The following TMUB2 variants were observed in gnomAD, a reference collection of about 807,000 sequenced individuals.
TMUB2 encodes transmembrane and ubiquitin like domain containing 2.
In TMUB2, 19 loss-of-function variants were observed where a neutral mutation model predicts 20.2. The observed-to-expected ratio is 0.94, with a 90% CI of 0.66 to 1.38. The LOEUF (loss-of-function observed/expected upper bound fraction) is 1.38. Among genes scored for constraint, TMUB2 ranks in the 40% most tolerant of loss-of-function variants. The probability of loss-of-function intolerance (pLI) is 0.00; values close to 1 mark genes in which losing one functional copy is unlikely to be tolerated. For missense variants in TMUB2, 426 were observed against 402.5 expected, an observed-to-expected ratio of 1.06 and a Z score of -0.50; for synonymous variants, 186 against 166.0, an observed-to-expected ratio of 1.12 and a Z score of -0.92.
Position 44,189,182 on chromosome 17 carries a change from C to T in TMUB2, c.196C>T (p.Leu66Phe). The change falls in exon 3 of 4, where the codon CTC becomes TTC. Residue 66 changes from leucine (L) to phenylalanine (F), a missense_variant. Transcript: ENST00000538716. Reference protein sequence around the residue: ...TYVADSGSNQLLGAIVSAGDT... With the variant: ...TYVADSGSNQFLGAIVSAGDT... ...CGTAGCAGACAGCGGTAGCAACCAG[C>T]TCCTGGGCGCTATTGTGTCAGCAGG... is the stretch of plus-strand genomic sequence containing the variant. 6.2e-7 allele frequency: 1 copy of T among 1,614,160 alleles called. No individual in the cohort carries two copies. Among genetic ancestry groups the T allele is most frequent in the Non-Finnish European group, 8.5e-7 (1 of 1,180,028 alleles).
rs2144330260 is a variant in TMUB2 at position 44,189,726 on chromosome 17, T to C, written c.602+138T>C. 3 of 795,066 alleles carry C rather than the reference T, an allele frequency of 3.8e-6. No individual in the cohort carries two copies. The East Asian group carries it at 8.6e-5, about 23-fold the overall frequency. 49.3% of individuals were successfully genotyped at this position (795,066 alleles called of 1,614,324 possible). ...TACCAAGGGCAGGTAGATACTTTCT[T>C]AGAAATACACCCTTCAGGCCGGGTG... On this transcript the variant is annotated intron_variant, in intron 3 of 3. Transcript: ENST00000538716.
At chr17:44,187,883 T>A (rs1286859251) in intron 2 of TMUB2, 140 bp downstream of exon 2, 1 of 678,654 alleles carries the variant, frequency 1.5e-6, no homozygotes, top group Non-Finnish European at 2.8e-6. Flanking sequence ...GTATATTAAA[T>A]AAGGATGTTG....
At chr17:44,187,875 A>G (rs2054700674) in intron 2 of TMUB2, 132 bp downstream of exon 2, 2 of 683,830 alleles carry the variant, frequency 2.9e-6, no homozygotes, top group Non-Finnish European at 5.5e-6. Context: ...CAGGGCCGGT[A>G]TATTAAATAA....
intron 2 of TMUB2, 78 bp from the exon 3 acceptor site, chr17:44,188,938 TGGGTCA>T: frequency 1.4e-6 from 2 of 1,453,948 alleles, no homozygotes; most frequent in Non-Finnish European, 1.8e-6. Context: ...TTTTCAGGGC[TGGGTCA>T]GTTAGAACCT....
At position 44,189,176 on chromosome 17, in the gene TMUB2, A is replaced by C; in HGVS notation, c.190A>C (p.Asn64His). 1 of 1,614,158 alleles carries C rather than the reference A, an allele frequency of 6.2e-7. No homozygotes were observed. The highest frequency in any genetic ancestry group is 2.2e-5 in the East Asian group (1 of 44,886). The change falls in exon 3 of 4, where the codon AAC becomes CAC. Residue 64 changes from asparagine to histidine, a missense_variant. Physicochemically the swap from Asn to His is moderately conservative, Grantham distance 68. Coordinates refer to ENST00000538716, the MANE Select transcript of TMUB2 (RefSeq NM_001076674.3). Reference sequence around the variant, plus strand: ...TACCTACGTAGCAGACAGCGGTAGCAACCAGCTCCTGGGCGCTATTGTGTC... The same window carrying C: ...TACCTACGTAGCAGACAGCGGTAGCCACCAGCTCCTGGGCGCTATTGTGTC... ...LSTYVADSGS[N>H]QLLGAIVSAG...
chr17:44,189,636 C>G (rs939958073), intron 3 of TMUB2, 48 bp downstream of exon 3: 1 of 1,504,514 alleles, frequency 6.6e-7, no homozygotes, highest in Non-Finnish European at 8.8e-7. Flanking sequence ...TCCCCCAGCC[C>G]TTGGTTGCCT....
rs765699369 is a variant in TMUB2, at chr17:44,191,060, G to C, written c.*196G>C. The C allele has an allele frequency of 7.2e-5, 100 of 1,386,056 alleles. No individual in the cohort carries two copies. The highest frequency in any genetic ancestry group is 8.8e-5 in the Non-Finnish European group (94 of 1,073,212). The allele number at this position is 1,386,056 out of a possible 1,614,324, so 85.9% of individuals were successfully genotyped here. A position where few individuals can be genotyped will look rare whatever the true frequency, so the allele number is the denominator to read the frequency against. On this transcript the variant is annotated 3_prime_UTR_variant, in exon 4 of 4. Transcript: ENST00000538716. ...GAGTACAGATGTCCCTCCCGTGCGA[G>C]CACAACTCAGGTAGAAATGAGGATG...
intron 2 of TMUB2, 128 bp from the exon 3 acceptor site, chr17:44,188,894 C>G: frequency 7.1e-7 from 1 of 1,407,420 alleles, no homozygotes; most frequent in Non-Finnish European, 9.2e-7. Context: ...GGTTTGTGCC[C>G]CCTTCTACAC....
In TMUB2 at chr17:44,189,553, G is replaced by A; in HGVS notation, c.567G>A (p.Val189=). ...TCAATGATACCGAGGAGCTGGCTGT[G>A]GCTAGGCCAGAGGATACCGTGGGTG... The part of the protein sequence containing the change: ...KFLNDTEELA[V]ARPEDTVGAL... The change falls in exon 3 of 4, where the codon GTG becomes GTA. Residue 189 remains valine, a synonymous_variant. Transcript: ENST00000538716. The A allele has an allele frequency of 6.2e-7, 1 of 1,610,780 alleles. No homozygotes were observed. The highest frequency in any genetic ancestry group is 1.1e-5 in the South Asian group (1 of 90,682).
At position 44,191,326 on chromosome 17, in the gene TMUB2, T is replaced by G; in HGVS notation, c.*462T>G. 1 of 990,198 alleles carries G rather than the reference T, an allele frequency of 1.0e-6. No homozygotes were observed. The highest frequency in any genetic ancestry group is 1.2e-6 in the Non-Finnish European group (1 of 832,614). The allele number at this position is 990,198 out of a possible 1,614,324, so 61.3% of individuals were successfully genotyped here. ...CAGCCAAATACTCATCTTTTGAGAC[T>G]GAAATCACACTGGCGGGAATGAAGA... On this transcript the variant is annotated 3_prime_UTR_variant, in exon 4 of 4. Coordinates refer to ENST00000538716, the MANE Select transcript of TMUB2 (RefSeq NM_001076674.3).
chr17:44,188,972 G>T, intron 2 of TMUB2, 50 bp from the exon 3 acceptor site: 1 of 1,537,464 alleles, frequency 6.5e-7, no homozygotes. Flanking sequence ...CTAGAGACCT[G>T]GTTGCAACCC....
intron 3 of TMUB2, chr17:44,190,220 G>A (rs1298311075): frequency 7.1e-6 from 2 of 283,426 alleles, no homozygotes; most frequent in East Asian, 6.5e-5. Context: ...GCATGGTGGC[G>A]CACTCCTGTA....
rs757430 is a variant in TMUB2, at chr17:44,190,906, C to T, written c.*42C>T. ...TGAAAGGCATGGTCTTTCTCCTTTA[C>T]GGCCTCCCCACTTTTCCTGGCCAGA... On this transcript the variant is annotated 3_prime_UTR_variant, in exon 4 of 4. Transcript: ENST00000538716. The T allele has an allele frequency of 0.87, 1,356,293 of 1,554,702 alleles. 592,797 individuals carry two copies. The highest frequency in any genetic ancestry group is 0.99 in the East Asian group (43,916 of 44,510).
intron 1 of TMUB2, 136 bp from the exon 2 acceptor site, chr17:44,187,540 A>G (rs565176321): frequency 3.3e-5 from 21 of 631,894 alleles, no homozygotes; most frequent in Non-Finnish European, 5.2e-5. Flanking sequence ...TGTCTGTGCC[A>G]ATCGTTTTCG....
At chr17:44,189,667 A>G in intron 3 of TMUB2, 79 bp downstream of exon 3, 20 of 1,342,920 alleles carry the variant, frequency 1.5e-5, no homozygotes, top group Non-Finnish European at 2.0e-5. Flanking sequence ...TGGTGCAGAC[A>G]TGGGAGCTGC....
In TMUB2 at chr17:44,191,409, TAGC is replaced by T; in HGVS notation, c.*548_*550del. ...GCCTTCACCTTCTTCCTCTACCCCTTAGCAGGAATAGGGTGTCCTCCCTTCTTT... is the reference window on the plus strand; with the variant it reads ...GCCTTCACCTTCTTCCTCTACCCCTTAGGAATAGGGTGTCCTCCCTTCTTT... On this transcript the variant is annotated 3_prime_UTR_variant, in exon 4 of 4. Transcript: ENST00000538716. The T allele has an allele frequency of 6.1e-6, 6 of 986,964 alleles. No homozygotes were observed. The highest frequency in any genetic ancestry group is 7.2e-6 in the Non-Finnish European group (6 of 830,680). 61.1% of individuals were successfully genotyped at this position (986,964 alleles called of 1,614,324 possible).
At position 44,190,783 on chromosome 17, in the gene TMUB2, C is replaced by A. The variant is rs756503433; in HGVS notation, c.885C>A (p.Phe295Leu). Residue 295 changes from phenylalanine (F) to leucine (L), a missense_variant, in exon 4 of 4, where the codon TTC becomes TTA. Physicochemically the swap from Phe to Leu is conservative, Grantham distance 22. Transcript: ENST00000538716. ...ACTTCCGAATCAATTACCGCCAATT[C>A]TTCACAGCACCTGCCACTGTCTCCC... ...VWYFRINYRQ[F>L]FTAPATVSLV... The A allele has an allele frequency of 6.2e-7, 1 of 1,614,170 alleles. No homozygotes were observed. Among genetic ancestry groups the A allele is most frequent in the Admixed American group, 1.7e-5 (1 of 60,022 alleles).
At position 44,189,239 on chromosome 17, in the gene TMUB2, G is replaced by C. The variant is rs1439627040; in HGVS notation, c.253G>C (p.Asp85His). ...DTSVLHLGHV[D>H]HLVAGQGNPE... ...ATCCGTCCTCCACCTGGGGCATGTG[G>C]ACCACCTGGTGGCAGGCCAAGGCAA... is the stretch of plus-strand genomic sequence containing the variant. Residue 85 changes from aspartate to histidine, a missense_variant, in exon 3 of 4, where the codon GAC (aspartate) becomes CAC (histidine). Coordinates refer to ENST00000538716, the MANE Select transcript of TMUB2 (RefSeq NM_001076674.3). The C allele has an allele frequency of 2.5e-6, 4 of 1,612,502 alleles. No homozygotes were observed. The highest frequency in any genetic ancestry group is 1.7e-6 in the Non-Finnish European group (2 of 1,179,058).
At position 44,190,597 on chromosome 17, in the gene TMUB2, C is replaced by T. The variant is rs201214168; in HGVS notation, c.699C>T (p.Thr233=). The T allele has an allele frequency of 5.7e-5, 92 of 1,614,176 alleles. No homozygotes were observed. The Admixed American group carries it at 7.8e-4, about 14-fold the overall frequency. The change falls in exon 4 of 4, where the codon ACC becomes ACT. Residue 233 remains threonine (T), a synonymous_variant. Transcript: ENST00000538716. ...PARTLRSLNI[T]DNCVIHCHRS... ...GCACACTGCGTTCTCTGAACATTAC[C>T]GACAACTGTGTGATTCACTGCCACC... is the stretch of plus-strand genomic sequence containing the variant.
Sources: gnomAD v4.1 joint callset for allele counts on GRCh38, gnomAD v4.1.1 for gene constraint, MANE v1.5 for transcripts, NCBI Gene and HGNC (gene_info 2026-07-23, HGNC 2026-07-21) for gene names.